ADGRA1: variants seen among roughly 807,000 people sequenced by gnomAD.
ADGRA1 encodes the protein G-protein coupled receptor 123.
ADGRA1 carries 12 observed loss-of-function variants against 21.3 expected under a neutral mutation model. The ratio of observed to expected loss-of-function variants is 0.56; its 90% confidence interval spans 0.36 to 0.91. The LOEUF (loss-of-function observed/expected upper bound fraction) is 0.91. Ranked by LOEUF, ADGRA1 falls within the 40% of genes least tolerant of loss-of-function variation. The pLI is 0.01. For missense variants in ADGRA1, 790 were observed against 805.6 expected (o/e 0.98, Z 0.23); for synonymous variants, 385 against 368.8 (o/e 1.04, Z -0.50).
In ADGRA1 at chr10:133,128,645, G is replaced by A; in HGVS notation, c.817G>A (p.Gly273Arg). 3 of 1,608,096 alleles carry A rather than the reference G, an allele frequency of 1.9e-6. No homozygotes were observed. The highest frequency in any genetic ancestry group is 1.1e-5 in the South Asian group (1 of 90,530). Residue 273 changes from glycine to arginine, a missense_variant, in exon 7 of 7, where the codon GGG becomes AGG. By Grantham distance (125) the Gly-to-Arg change is moderately radical. Around this residue, in one of 3 missense-constraint regions of ADGRA1, gnomAD observed 382 missense variants for 415.6 expected, o/e 0.92. Transcript: ENST00000392607. ...CCTGTTCACGGCCACGTGGGCCTTC[G>A]GGGCGCTGGCGGTGTCACAGGGCCA... ...LFLFTATWAF[G>R]ALAVSQGHFL... is the part of the protein sequence containing the mutation.
chr10:133,111,153 C>CCCT (rs1851986224), intron 5 of ADGRA1, among the ~76,000 whole-genome samples: 2 of 150,592 alleles, frequency 1.3e-5, no homozygotes, highest in Non-Finnish European at 3.0e-5. Context: ...CTCTCCTAAT[C>CCCT]CCACCAGACC....
At chr10:133,122,011 T>C (rs1186722469) in intron 5 of ADGRA1, among the ~76,000 whole-genome samples, 5 of 152,046 alleles carry the variant, frequency 3.3e-5, no homozygotes, top group African/African-American at 9.7e-5. Flanking sequence ...GGTGCCAGTG[T>C]GTGTGTGGTA....
chr10:133,127,647 C>T (rs1054675294), intron 6 of ADGRA1, among the ~76,000 whole-genome samples: 1 of 152,104 alleles, frequency 6.6e-6, no homozygotes, highest in African/African-American at 2.4e-5. Flanking sequence ...GAAACCCCAT[C>T]GAGTAGGAAC....
rs1852429968 is a variant in ADGRA1 at position 133,128,528 on chromosome 10, A to T, written c.700A>T (p.Thr234Ser). Residue 234 changes from threonine to serine, a missense_variant, in exon 7 of 7, where the codon ACC becomes TCC. Transcript: ENST00000392607. ...PEGGRGIRPGTPPAHDAPGAS... is the reference protein window; with the variant it reads ...PEGGRGIRPGSPPAHDAPGAS... ...GGGCGGCCGTGGGATCCGGCCAGGC[A>T]CCCCACCCGCACACGATGCCCCCGG... 1.3e-6 allele frequency: 2 copies of T among 1,547,584 alleles called. No individual in the cohort carries two copies. Among genetic ancestry groups the T allele is most frequent in the South Asian group, 2.4e-5 (2 of 84,710 alleles).
chr10:133,128,847 G>T lies in ADGRA1; in HGVS notation c.1019G>T (p.Arg340Leu). ...GACGCCAACGGGGCCGCGCTGGGCC[G>T]CGCCGCCTGCCTGCACTCGCCGGGA... Reference protein sequence around the residue: ...ALDANGAALGRAACLHSPGLG... With the variant: ...ALDANGAALGLAACLHSPGLG... The change falls in exon 7 of 7, where the codon CGC (arginine) becomes CTC (leucine). Residue 340 changes from arginine to leucine, a missense_variant. This residue lies in a region of ADGRA1 where 391 missense variants were observed against 351.5 expected (regional missense o/e 1.11). Coordinates refer to ENST00000392607, the MANE Select transcript of ADGRA1 (RefSeq NM_001083909.3). 1.3e-6 allele frequency: 2 copies of T among 1,585,930 alleles called. No individual in the cohort carries two copies. The highest frequency in any genetic ancestry group is 1.3e-5 in the African/African-American group (1 of 74,234).
Position 133,100,058 on chromosome 10 carries a change from G to A in ADGRA1, c.255+1295G>A, listed in dbSNP as rs550977075. Among the ~76,000 whole-genome samples the A allele has an allele frequency of 2.2e-3, 337 of 152,352 alleles. 3 individuals are homozygous for A. The highest frequency in any genetic ancestry group is 0.011 in the South Asian group (52 of 4,826). ...ACACTTCCGTGTGCCAGGCTGGGAC[G>A]GGCCGGGCAGGCGCTCACACAAACA... On this transcript the variant is annotated intron_variant, in intron 4 of 6. Transcript: ENST00000392607.
In ADGRA1 at chr10:133,100,535, G is replaced by A. The variant is rs576751931; in HGVS notation, c.255+1772G>A. Among the ~76,000 whole-genome samples the A allele has an allele frequency of 2.5e-3, 374 of 152,362 alleles. 1 individual carries two copies. Among genetic ancestry groups the A allele is most frequent in the Non-Finnish European group, 4.1e-3 (282 of 68,032 alleles). Reference sequence around the variant, plus strand: ...CAGGCCTGCGGTGACAGCTCGGGGCGGATGCTGGGGTGTTGGGGCTGCAGC... The same window carrying A: ...CAGGCCTGCGGTGACAGCTCGGGGCAGATGCTGGGGTGTTGGGGCTGCAGC... On this transcript the variant is annotated intron_variant, in intron 4 of 6. Transcript: ENST00000392607.
intron 5 of ADGRA1, among the ~76,000 whole-genome samples, chr10:133,121,511 G>T (rs1214275940): frequency 6.7e-6 from 1 of 150,016 alleles, no homozygotes; most frequent in Non-Finnish European, 1.5e-5. Context: ...GTGTGTGCAA[G>T]TGTGAGTGCC....
chr10:133,102,489 G>C (rs7905581), intron 4 of ADGRA1, among the ~76,000 whole-genome samples: 94,708 of 152,120 alleles, frequency 0.62, 30,203 homozygotes, highest in African/African-American at 0.77. Context: ...AGAAGGGGAG[G>C]AAAGCTGAGC....
chr10:133,092,750 G>GA (rs779862285), intron 2 of ADGRA1, among the ~76,000 whole-genome samples: 7 of 97,630 alleles, frequency 7.2e-5, no homozygotes, highest in African/African-American at 2.8e-4. Flanking sequence ...AAATAGGGAG[G>GA]GAGGAAGGAA....
intron 5 of ADGRA1, among the ~76,000 whole-genome samples, chr10:133,118,064 C>T (rs1852190523): frequency 6.6e-6 from 1 of 152,142 alleles, no homozygotes; most frequent in Non-Finnish European, 1.5e-5. Flanking sequence ...GGACGTGTCC[C>T]CAAACTGACA....
chr10:133,093,080 G>C, intron 2 of ADGRA1: 1 of 1,597,398 alleles, frequency 6.3e-7, no homozygotes. Flanking sequence ...TCCTCAGCCA[G>C]TTGGAGCTGC....
At chr10:133,095,321 C>T (rs1221060507) in intron 2 of ADGRA1, among the ~76,000 whole-genome samples, 1 of 152,182 alleles carries the variant, frequency 6.6e-6, no homozygotes, top group Admixed American at 6.5e-5. Flanking sequence ...CTGACTCCCC[C>T]GAAAACCCTC....
chr10:133,130,721 C>A lies in ADGRA1; in HGVS notation c.*1210C>A, dbSNP rs116581040. On this transcript the variant is annotated 3_prime_UTR_variant, in exon 7 of 7. Transcript: ENST00000392607. ...CAAACACATGTGCATATCACACACG[C>A]GCACACACCCAAACACGTGCATATC... 8,039 of 151,754 alleles carry A rather than the reference C, an allele frequency of 0.053. 227 individuals are homozygous for A. The highest frequency in any genetic ancestry group is 0.068 in the Middle Eastern group (20 of 292). 9.4% of individuals were successfully genotyped at this position (151,754 alleles called of 1,614,324 possible).
intron 2 of ADGRA1, among the ~76,000 whole-genome samples, chr10:133,092,554 C>A (rs1851611728): frequency 6.6e-6 from 1 of 152,134 alleles, no homozygotes; most frequent in African/African-American, 2.4e-5. Context: ...CCCTGGAACA[C>A]ATCCATGAAA....
At chr10:133,094,260 T>C (rs1851650675) in intron 2 of ADGRA1, among the ~76,000 whole-genome samples, 1 of 152,210 alleles carries the variant, frequency 6.6e-6, no homozygotes, top group African/African-American at 2.4e-5. Flanking sequence ...GCCTCTTGCA[T>C]GAAAAGCAGC....
rs1422111085 is a variant in ADGRA1 at position 133,098,692 on chromosome 10, C to T, written c.184C>T (p.His62Tyr). The T allele has an allele frequency of 6.2e-7, 1 of 1,611,742 alleles. No homozygotes were observed. The highest frequency in any genetic ancestry group is 1.7e-4 in the Middle Eastern group (1 of 6,058). The change falls in exon 4 of 7, where the codon CAC (histidine) becomes TAC (tyrosine). Residue 62 changes from histidine (H) to tyrosine (Y), a missense_variant. Physicochemically the swap from His to Tyr is moderately conservative, Grantham distance 83 (BLOSUM62 2). Around this residue, in one of 3 missense-constraint regions of ADGRA1, gnomAD observed 382 missense variants for 415.6 expected, o/e 0.92. Transcript: ENST00000392607. The part of the protein sequence containing the change: ...GRHTLLNFCF[H>Y]AALTFTVFAG... ...GCACACGCTCCTGAATTTCTGCTTCCACGCGGCCCTGACCTTCACTGTGTT... is the reference window on the plus strand; with the variant it reads ...GCACACGCTCCTGAATTTCTGCTTCTACGCGGCCCTGACCTTCACTGTGTT...
intron 5 of ADGRA1, among the ~76,000 whole-genome samples, chr10:133,115,234 C>T (rs1852134610): frequency 6.6e-6 from 1 of 152,188 alleles, no homozygotes; most frequent in South Asian, 2.1e-4. Context: ...CCTGAGCCCT[C>T]CTCACCCCTC....
At chr10:133,117,653 T>C (rs1852184113) in intron 5 of ADGRA1, among the ~76,000 whole-genome samples, 1 of 152,268 alleles carries the variant, frequency 6.6e-6, no homozygotes, top group Admixed American at 6.5e-5. Context: ...GGAATGGGCC[T>C]GGAGAAGGGG....
Sources: allele counts gnomAD v4.1 joint callset (sites outside exome capture counted in the v4.1 genomes callset), GRCh38; gene constraint gnomAD v4.1.1; regional missense constraint gnomAD v4.1.1; transcripts MANE v1.5; gene names NCBI Gene and HGNC (gene_info 2026-07-23, HGNC 2026-07-21).